MEX3A: variants seen among roughly 807,000 people sequenced by gnomAD.
MEX3A encodes the protein mex-3 RNA binding family member A, also known as RNA-binding protein MEX3A.
In MEX3A, 4 loss-of-function variants were observed where a neutral mutation model predicts 30.0. That is an observed-to-expected ratio of 0.13 (90% CI 0.07 to 0.30). The LOEUF is 0.30. MEX3A is among the 10% of genes least tolerant of loss of function. The pLI, the probability that MEX3A is intolerant of heterozygous loss-of-function variation, is 1.00. For missense variants in MEX3A, 555 were observed against 736.7 expected, an observed-to-expected ratio of 0.75 and a Z score of 2.86; for synonymous variants, 335 against 327.6, an observed-to-expected ratio of 1.02 and a Z score of -0.24.
Position 156,077,047 on chromosome 1 carries a change from C to T in MEX3A, c.1090G>A (p.Gly364Ser). The T allele has an allele frequency of 6.2e-7, 1 of 1,613,878 alleles. No individual in the cohort carries two copies. The highest frequency in any genetic ancestry group is 8.5e-7 in the Non-Finnish European group (1 of 1,179,832). ...CCCGGAAAGAGGTACCCGCCGTAGC[C>T]AAAGTCCCCGCCCTGCTCACCCAGG... ...PRLGEQGGDF[G>S]YGGYLFPGYG... Residue 364 changes from glycine to serine, a missense_variant, in exon 2 of 2, where the codon GGC becomes AGC. Around this residue, in one of 6 missense-constraint regions of MEX3A, gnomAD observed 281 missense variants for 265.1 expected, o/e 1.06. Transcript: ENST00000532414. The surrounding 1 kb of genome is among the most constrained non-coding windows in gnomAD (Gnocchi z 8.3).
chr1:156,076,959 G>T lies in MEX3A; in HGVS notation c.1178C>A (p.Ala393Glu). The T allele has an allele frequency of 1.9e-6, 3 of 1,610,158 alleles. No individual in the cohort carries two copies. The highest frequency in any genetic ancestry group is 2.5e-6 in the Non-Finnish European group (3 of 1,178,252). Residue 393 changes from alanine (A) to glutamate (E), a missense_variant, in exon 2 of 2, where the codon GCG becomes GAG. Transcript: ENST00000532414. This position sits in a 1 kb window ranked among gnomAD's most constrained non-coding sequence, Gnocchi z 6.0. ...GGTGGGCGTGGCGTTCTCCTGGCCC[G>T]CCCACAGCGGGGGGCTAGTCTCGGC... Reference protein sequence around the residue: ...GVAETSPPLWAGQENATPTSV... With the variant: ...GVAETSPPLWEGQENATPTSV...
Position 156,073,641 on chromosome 1 carries a change from A to C in MEX3A, c.*2933T>G, listed in dbSNP as rs891079488. ...TCTCTCTCTAGGATTATATGAAATAAATTTGAATTATTATTATTAATAATT... is the reference window on the plus strand; with the variant it reads ...TCTCTCTCTAGGATTATATGAAATACATTTGAATTATTATTATTAATAATT... On this transcript the variant is annotated 3_prime_UTR_variant, in exon 2 of 2. Transcript: ENST00000532414. 1 of 152,178 alleles carries C rather than the reference A, an allele frequency of 6.6e-6. No homozygotes were observed. Among genetic ancestry groups the C allele is most frequent in the African/African-American group, 2.4e-5 (1 of 41,404 alleles). 9.4% of individuals were successfully genotyped at this position (152,178 alleles called of 1,614,324 possible).
chr1:156,081,614 T>C lies in MEX3A; in HGVS notation c.385A>G (p.Ser129Gly). ...GGAACACACTCCGTGGTGTTGCTGC[T>C]GCCCTTCAGGCGCAGCTCGGCCTCT... is the stretch of plus-strand genomic sequence containing the variant. ...YKEAELRLKG[S>G]SNTTECVPVP... The change falls in exon 1 of 2, where the codon AGC (serine) becomes GGC (glycine). Residue 129 changes from serine (S) to glycine (G), a missense_variant. Around this residue, in one of 6 missense-constraint regions of MEX3A, gnomAD observed 32 missense variants for 107.4 expected, o/e 0.30. Transcript: ENST00000532414. 4 of 1,579,374 alleles carry C rather than the reference T, an allele frequency of 2.5e-6. No individual in the cohort carries two copies. The highest frequency in any genetic ancestry group is 3.4e-6 in the Non-Finnish European group (4 of 1,165,178).
rs966012108 is a variant in MEX3A, at chr1:156,082,378, G to T, written c.-380C>A. ...TAGCCCCCGCTGTCCAGGCGCCCCC[G>T]TTAGGCTCCCGCACCGAGCCCCAGT... On this transcript the variant is annotated 5_prime_UTR_variant, in exon 1 of 2. Coordinates refer to ENST00000532414, the MANE Select transcript of MEX3A (RefSeq NM_001093725.2). Among the ~76,000 whole-genome samples, 2 of 152,016 alleles carry T rather than the reference G, an allele frequency of 1.3e-5. No individual in the cohort carries two copies. The highest frequency in any genetic ancestry group is 2.4e-5 in the African/African-American group (1 of 41,408).
rs760022238 is a variant in MEX3A at position 156,076,959 on chromosome 1, G to A, written c.1178C>T (p.Ala393Val). The A allele has an allele frequency of 2.1e-4, 340 of 1,610,038 alleles. No homozygotes were observed. The highest frequency in any genetic ancestry group is 2.8e-4 in the Non-Finnish European group (333 of 1,178,258). ...GVAETSPPLW[A>V]GQENATPTSV... Reference sequence around the variant, plus strand: ...GGTGGGCGTGGCGTTCTCCTGGCCCGCCCACAGCGGGGGGCTAGTCTCGGC... The same window carrying A: ...GGTGGGCGTGGCGTTCTCCTGGCCCACCCACAGCGGGGGGCTAGTCTCGGC... The change falls in exon 2 of 2, where the codon GCG becomes GTG. Residue 393 changes from alanine to valine, a missense_variant. Ala to Val is a moderately conservative substitution (Grantham distance 64). Coordinates refer to ENST00000532414, the MANE Select transcript of MEX3A (RefSeq NM_001093725.2). The surrounding 1 kb of genome is among the most constrained non-coding windows in gnomAD (Gnocchi z 6.0).
At chr1:156,080,555 C>G (rs910197313) in intron 1 of MEX3A, among the ~76,000 whole-genome samples, 2 of 152,258 alleles carry the variant, frequency 1.3e-5, no homozygotes, top group East Asian at 3.9e-4. Context: ...TCCTGCCCCC[C>G]ACACTCTCCT....
At position 156,076,005 on chromosome 1, in the gene MEX3A, C is replaced by T. The variant is rs1648053066; in HGVS notation, c.*569G>A. ...CTCCCCAACCCCTAGAAGATCTATG[C>T]AACTTCTGATAGGACTCCAACTCCC... On this transcript the variant is annotated 3_prime_UTR_variant, in exon 2 of 2. Transcript: ENST00000532414. The surrounding 1 kb of genome is among the most constrained non-coding windows in gnomAD (Gnocchi z 6.0). 1 of 152,500 alleles carries T rather than the reference C, an allele frequency of 6.6e-6. No homozygotes were observed. The highest frequency in any genetic ancestry group is 2.4e-5 in the African/African-American group (1 of 41,396). The allele number at this position is 152,500 out of a possible 1,614,324, so 9.4% of individuals were successfully genotyped here. A position where few individuals can be genotyped will look rare whatever the true frequency, so the allele number is the denominator to read the frequency against.
intron 1 of MEX3A, among the ~76,000 whole-genome samples, chr1:156,079,197 G>A (rs897558426): frequency 8.6e-5 from 13 of 150,382 alleles, no homozygotes; most frequent in African/African-American, 3.0e-4. Context: ...GTAGGTTGGG[G>A]GACCCTCCCT....
chr1:156,082,205 TC>T lies in MEX3A; in HGVS notation c.-208del, dbSNP rs1344699254. On this transcript the variant is annotated 5_prime_UTR_variant, in exon 1 of 2. Transcript: ENST00000532414. ...CTCCCCAAACACCCTGTAACCCGAC[TC>T]CCCTCGCCCCAGCCCCCGGGGTGGG... 6.4e-4 allele frequency among the ~76,000 whole-genome samples: 80 copies of T among 124,092 alleles called. No homozygotes were observed. Among genetic ancestry groups the T allele is most frequent in the African/African-American group, 2.4e-3 (78 of 32,310 alleles). 81.4% of individuals were successfully genotyped at this position (124,092 alleles called of 152,430 possible). A position where few individuals can be genotyped will look rare whatever the true frequency, so the allele number is the denominator to read the frequency against.
chr1:156,079,168 G>A (rs562859924), intron 1 of MEX3A, among the ~76,000 whole-genome samples: 3 of 152,036 alleles, frequency 2.0e-5, no homozygotes, highest in Non-Finnish European at 4.4e-5. Context: ...CTGGCAGATT[G>A]GGGGGTGAGG....
intron 1 of MEX3A, among the ~76,000 whole-genome samples, chr1:156,081,234 G>A (rs999825656): frequency 6.6e-6 from 1 of 152,200 alleles, no homozygotes; most frequent in Non-Finnish European, 1.5e-5. Context: ...TTTCTGGTTA[G>A]GAGTGGACAC....
In MEX3A at chr1:156,076,213, G is replaced by A; in HGVS notation, c.*361C>T. 5.0e-6 allele frequency: 1 copy of A among 201,160 alleles called. No homozygotes were observed. The highest frequency in any genetic ancestry group is 1.0e-5 in the Non-Finnish European group (1 of 99,596). 12.5% of individuals were successfully genotyped at this position (201,160 alleles called of 1,614,324 possible). ...ACCCACCCCCTCCTCGGAAGAAGGG[G>A]TGGAGTGACACACAGCGGGGGAGGT... On this transcript the variant is annotated 3_prime_UTR_variant, in exon 2 of 2. Transcript: ENST00000532414. The surrounding 1 kb of genome is among the most constrained non-coding windows in gnomAD (Gnocchi z 6.0).
Position 156,077,931 on chromosome 1 carries a change from T to C in MEX3A, c.455-249A>G, listed in dbSNP as rs1412377150. On this transcript the variant is annotated intron_variant, in intron 1 of 1. Transcript: ENST00000532414. The surrounding 1 kb of genome is among the most constrained non-coding windows in gnomAD (Gnocchi z 8.3). ...ATGTACTAACTTTCCCTGAGTTCCA[T>C]TCAGGGCCCTCCAAATTCATTCACT... 2.6e-5 allele frequency among the ~76,000 whole-genome samples: 4 copies of C among 152,138 alleles called. No individual in the cohort carries two copies. Among genetic ancestry groups the C allele is most frequent in the African/African-American group, 9.7e-5 (4 of 41,418 alleles).
Position 156,076,991 on chromosome 1 carries a change from G to A in MEX3A, c.1146C>T (p.Tyr382=), listed in dbSNP as rs750127924. 5.6e-6 allele frequency: 9 copies of A among 1,613,250 alleles called. No homozygotes were observed. Among genetic ancestry groups the A allele is most frequent in the African/African-American group, 2.7e-5 (2 of 75,054 alleles). The change falls in exon 2 of 2, where the codon TAC becomes TAT. Residue 382 remains tyrosine (Y), a synonymous_variant. Transcript: ENST00000532414. The surrounding 1 kb of genome is among the most constrained non-coding windows in gnomAD (Gnocchi z 6.0). ...GYGVGKQDVY[Y]GVAETSPPLW... ...GCGGGGGGCTAGTCTCGGCCACGCC[G>A]TAGTACACATCCTGCTTGCCCACGC...
At position 156,074,126 on chromosome 1, in the gene MEX3A, C is replaced by T. The variant is rs1315004854; in HGVS notation, c.*2448G>A. On this transcript the variant is annotated 3_prime_UTR_variant, in exon 2 of 2. Coordinates refer to ENST00000532414, the MANE Select transcript of MEX3A (RefSeq NM_001093725.2). ...AAAAAAAAGTGGGGGAAAAAAGCAA[C>T]GTAAACCCAAACATATATTAAAAAC... 6.6e-6 allele frequency: 1 copy of T among 152,084 alleles called. No homozygotes were observed. The highest frequency in any genetic ancestry group is 1.5e-5 in the Non-Finnish European group (1 of 67,946). 9.4% of individuals were successfully genotyped at this position (152,084 alleles called of 1,614,324 possible).
In MEX3A at chr1:156,077,565, C is replaced by A; in HGVS notation, c.572G>T (p.Arg191Leu). Reference protein sequence around the residue: ...GRREDVATARREIISAAEHFS... With the variant: ...GRREDVATARLEIISAAEHFS... ...GTGCTCCGCTGCTGAGATGATTTCC[C>A]GCCGGGCTGTGGCCACGTCCTCCCG... Residue 191 changes from arginine (R) to leucine (L), a missense_variant, in exon 2 of 2, where the codon CGG becomes CTG. Around this residue, in one of 6 missense-constraint regions of MEX3A, gnomAD observed 32 missense variants for 107.4 expected, o/e 0.30. Coordinates refer to ENST00000532414, the MANE Select transcript of MEX3A (RefSeq NM_001093725.2). This position sits in a 1 kb window ranked among gnomAD's most constrained non-coding sequence, Gnocchi z 8.3. 6.2e-7 allele frequency: 1 copy of A among 1,612,118 alleles called. No individual in the cohort carries two copies. Among genetic ancestry groups the A allele is most frequent in the Non-Finnish European group, 8.5e-7 (1 of 1,179,288 alleles).
chr1:156,081,080 TACTC>T (rs1163573812), intron 1 of MEX3A, among the ~76,000 whole-genome samples: 2 of 151,990 alleles, frequency 1.3e-5, no homozygotes, highest in South Asian at 2.1e-4. Flanking sequence ...AAGAGACAGA[TACTC>T]AGTCTGGCTT....
At chr1:156,078,716 A>C (rs1030346305) in intron 1 of MEX3A, among the ~76,000 whole-genome samples, 2 of 152,162 alleles carry the variant, frequency 1.3e-5, no homozygotes, top group African/African-American at 4.8e-5. Flanking sequence ...CCCTGCTCCT[A>C]GCTTCACACA....
At position 156,076,642 on chromosome 1, in the gene MEX3A, C is replaced by G; in HGVS notation, c.1495G>C (p.Glu499Gln). Reference protein sequence around the residue: ...FCMECAVRICERTDPECPVCH... With the variant: ...FCMECAVRICQRTDPECPVCH... Reference sequence around the variant, plus strand: ...ACGGGACACTCTGGGTCCGTCCTCTCGCAGATGCGTACTGCACACTCCATG... The same window carrying G: ...ACGGGACACTCTGGGTCCGTCCTCTGGCAGATGCGTACTGCACACTCCATG... Residue 499 changes from glutamate (E) to glutamine (Q), a missense_variant, in exon 2 of 2, where the codon GAG becomes CAG. Physicochemically the swap from Glu to Gln is conservative, Grantham distance 29 (BLOSUM62 2). This residue lies in a region of MEX3A where 15 missense variants were observed against 59.4 expected (regional missense o/e 0.25). Transcript: ENST00000532414. This position sits in a 1 kb window ranked among gnomAD's most constrained non-coding sequence, Gnocchi z 6.0. 1 of 1,613,868 alleles carries G rather than the reference C, an allele frequency of 6.2e-7. No individual in the cohort carries two copies. The highest frequency in any genetic ancestry group is 8.5e-7 in the Non-Finnish European group (1 of 1,179,854).
Sources: gnomAD v4.1 joint callset for allele counts (sites outside exome capture counted in the v4.1 genomes callset) on GRCh38, gnomAD v4.1.1 for gene constraint, gnomAD v4.1.1 regional missense constraint, Gnocchi (gnomAD v3.1) non-coding constraint, MANE v1.5 for transcripts, NCBI Gene and HGNC (gene_info 2026-07-23, HGNC 2026-07-21) for gene names.